Variants in TNIK observed in about 807,000 individuals in gnomAD.
TNIK encodes TRAF2 and NCK interacting kinase.
Under a neutral mutation model 191.3 loss-of-function variants are expected in TNIK, and 49 were observed. The observed-to-expected ratio is 0.26, with a 90% CI of 0.20 to 0.32. The LOEUF (loss-of-function observed/expected upper bound fraction) is 0.32. Among genes scored for constraint, TNIK ranks in the 10% least tolerant of loss-of-function variants. The pLI, the probability that TNIK is intolerant of heterozygous loss-of-function variation, is 1.00. For missense variants in TNIK, 1,155 were observed against 1,702.3 expected, an observed-to-expected ratio of 0.68 and a Z score of 5.66; for synonymous variants, 594 against 600.9, an observed-to-expected ratio of 0.99 and a Z score of 0.17.
chr3:171,438,505 C>A (rs1165756519), intron 1 of TNIK, among the ~76,000 whole-genome samples: 1 of 152,218 alleles, frequency 6.6e-6, no homozygotes, highest in Non-Finnish European at 1.5e-5. Context: ...GTTAGGCACA[C>A]TGCAGAATGC....
chr3:171,374,968 G>C (rs967851099), intron 1 of TNIK, among the ~76,000 whole-genome samples: 1 of 152,196 alleles, frequency 6.6e-6, no homozygotes, highest in African/African-American at 2.4e-5. Context: ...GGCAGAGCCA[G>C]GATGTTGACT....
chr3:171,176,512 C>T (rs1008797361), intron 8 of TNIK, among the ~76,000 whole-genome samples: 1 of 152,164 alleles, frequency 6.6e-6, no homozygotes, highest in African/African-American at 2.4e-5. Flanking sequence ...CTATGCAAGT[C>T]TGACCCTGAG....
intron 2 of TNIK, among the ~76,000 whole-genome samples, chr3:171,313,264 CTTTCTTTT>C (rs1389281375): frequency 1.4e-5 from 2 of 144,398 alleles, no homozygotes; most frequent in Non-Finnish European, 1.5e-5. Flanking sequence ...TTCTTTCTTT[CTTTCTTTT>C]TTTTTAAATA....
intron 11 of TNIK, 137 bp from the exon 12 acceptor site, chr3:171,157,801 C>G: frequency 1.2e-6 from 1 of 856,478 alleles, no homozygotes; most frequent in Non-Finnish European, 1.8e-6. Context: ...AGATCCTCCG[C>G]TAATTCAATC....
At chr3:171,428,037 G>A (rs1445600940) in intron 1 of TNIK, among the ~76,000 whole-genome samples, 2 of 152,220 alleles carry the variant, frequency 1.3e-5, no homozygotes, top group East Asian at 1.9e-4. Context: ...GGGCCTTGTA[G>A]GTTACTGCAA....
intron 25 of TNIK, 91 bp from the exon 26 acceptor site, chr3:171,084,416 G>A: frequency 7.0e-7 from 1 of 1,428,458 alleles, no homozygotes; most frequent in Middle Eastern, 1.9e-4. Flanking sequence ...CTCCTTGTTT[G>A]GTTTGAATTA....
In TNIK at chr3:171,365,161, C is replaced by CTTTTTTTTTTTTTTTTTTTTTT. The variant is rs60887361; in HGVS notation, c.123+4437_123+4458dup. Among the ~76,000 whole-genome samples, 36 of 31,934 alleles carry CTTTTTTTTTTTTTTTTTTTTTT rather than the reference C, an allele frequency of 1.1e-3. 10 individuals carry two copies. Among genetic ancestry groups the CTTTTTTTTTTTTTTTTTTTTTT allele is most frequent in the Non-Finnish European group, 1.8e-3 (28 of 15,444 alleles). 20.9% of individuals were successfully genotyped at this position (31,934 alleles called of 152,430 possible). A position where few individuals can be genotyped will look rare whatever the true frequency, so the allele number is the denominator to read the frequency against. On this transcript the variant is annotated intron_variant, in intron 2 of 32. Transcript: ENST00000436636. ...AAGGACTACACAAAAGGACTACATT[C>CTTTTTTTTTTTTTTTTTTTTTT]TTTTTTTTTTTTTTTTTTTTTTTTT...
chr3:171,439,241 G>A (rs1726438095), intron 1 of TNIK, among the ~76,000 whole-genome samples: 1 of 151,868 alleles, frequency 6.6e-6, no homozygotes, highest in African/African-American at 2.4e-5. Context: ...CTACTTGGGA[G>A]GCTGAGGCAG....
chr3:171,436,747 G>A (rs1726077629), intron 1 of TNIK, among the ~76,000 whole-genome samples: 1 of 152,140 alleles, frequency 6.6e-6, no homozygotes, highest in Non-Finnish European at 1.5e-5. Flanking sequence ...TGTCATCTGG[G>A]GAATCCTAAC....
rs546126799 is a variant in TNIK at position 171,449,219 on chromosome 3, G to C, written c.57+10788C>G. Among the ~76,000 whole-genome samples the C allele has an allele frequency of 7.9e-5, 12 of 152,134 alleles. No homozygotes were observed. The East Asian group carries it at 1.9e-3, about 25-fold the overall frequency. On this transcript the variant is annotated intron_variant, in intron 1 of 32. Coordinates refer to ENST00000436636, the MANE Select transcript of TNIK (RefSeq NM_015028.4). ...ACAGTGCCATAATAAACATACATGT[G>C]CATGTGCCTTTACAGTAGAATGAAT...
chr3:171,137,108 CTTTT>C (rs71176593), intron 15 of TNIK, among the ~76,000 whole-genome samples: 65 of 104,154 alleles, frequency 6.2e-4, no homozygotes, highest in African/African-American at 2.1e-3. Context: ...TTTAAAAATC[CTTTT>C]TTTTTTTTTT....
intron 1 of TNIK, among the ~76,000 whole-genome samples, chr3:171,425,753 G>A (rs1285119232): frequency 3.3e-5 from 5 of 151,384 alleles, no homozygotes; most frequent in African/African-American, 4.9e-5. Flanking sequence ...CCTTGAACCC[G>A]GGAAGTAGAA....
At chr3:171,111,730 A>G (rs1192805479) in intron 18 of TNIK, among the ~76,000 whole-genome samples, 2 of 152,256 alleles carry the variant, frequency 1.3e-5, no homozygotes. Context: ...GTGCAGCACT[A>G]TTCACAGTAG....
Position 171,157,534 on chromosome 3 carries a change from G to A in TNIK, c.1147C>T (p.His383Tyr). 6.4e-7 allele frequency: 1 copy of A among 1,570,670 alleles called. No homozygotes were observed. Among genetic ancestry groups the A allele is most frequent in the Non-Finnish European group, 8.6e-7 (1 of 1,158,236 alleles). ...CGCTCGGCCAGCAGCTGCCGCTTGT[G>A]CTCCTCATTCTCCCGCTGCTGCTGC... ...LEQQQRENEE[H>Y]KRQLLAERQK... The change falls in exon 12 of 33, where the codon CAC (histidine) becomes TAC (tyrosine). Residue 383 changes from histidine (H) to tyrosine (Y), a missense_variant. His to Tyr is a moderately conservative substitution (Grantham distance 83, BLOSUM62 2). This residue lies in a region of TNIK where 735 missense variants were observed against 848.0 expected (regional missense o/e 0.87). Transcript: ENST00000436636.
rs138211654 is a variant in TNIK at position 171,078,483 on chromosome 3, C to CTTT, written c.3448+1032_3448+1034dup. ...ATGACTTTCCCCTACTTTGTTCTAC[C>CTTT]TTTTTTTTTAACAGCCCTTTTCTTG... On this transcript the variant is annotated intron_variant, in intron 28 of 32. Coordinates refer to ENST00000436636, the MANE Select transcript of TNIK (RefSeq NM_015028.4). 4.4e-4 allele frequency among the ~76,000 whole-genome samples: 66 copies of CTTT among 150,830 alleles called. 1 individual carries two copies. The highest frequency in any genetic ancestry group is 3.4e-3 in the Middle Eastern group (1 of 294).
At chr3:171,275,852 G>T (rs148821934) in intron 2 of TNIK, among the ~76,000 whole-genome samples, 1 of 151,970 alleles carries the variant, frequency 6.6e-6, no homozygotes, top group East Asian at 1.9e-4. Flanking sequence ...AGCCGAGATC[G>T]TGCCACTGCA....
intron 2 of TNIK, among the ~76,000 whole-genome samples, chr3:171,272,681 ATTTT>A (rs60321799): frequency 6.6e-6 from 1 of 151,636 alleles, no homozygotes; most frequent in Non-Finnish European, 1.5e-5. Context: ...CCAGAATTTG[ATTTT>A]TTTTATTTCA....
At chr3:171,309,166 G>T (rs1478265939) in intron 2 of TNIK, among the ~76,000 whole-genome samples, 1 of 126,028 alleles carries the variant, frequency 7.9e-6, no homozygotes, top group East Asian at 2.0e-4. Context: ...CCCATCATTG[G>T]TAGACTGGAA....
At chr3:171,190,884 C>A in intron 5 of TNIK, 97 bp from the exon 6 acceptor site, 1 of 773,980 alleles carries the variant, frequency 1.3e-6, no homozygotes, top group East Asian at 2.7e-5. Flanking sequence ...TTTACACTCA[C>A]CCAGACATAC....
Sources: allele counts gnomAD v4.1 joint callset (sites outside exome capture counted in the v4.1 genomes callset), GRCh38; gene constraint gnomAD v4.1.1; regional missense constraint gnomAD v4.1.1; transcripts MANE v1.5; gene names NCBI Gene and HGNC (gene_info 2026-07-23, HGNC 2026-07-21).